The following KANSL1 variants were observed in gnomAD, a reference collection of about 807,000 sequenced individuals.
KANSL1 encodes KAT8 regulatory NSL complex subunit 1, also known as MLL1/MLL complex subunit KANSL1.
A neutral mutation model predicts 103.6 loss-of-function variants in KANSL1; 22 were observed. That is an observed-to-expected ratio of 0.21 (90% CI 0.15 to 0.30). KANSL1 has a LOEUF of 0.30. Among genes scored for constraint, KANSL1 ranks in the 10% least tolerant of loss-of-function variants. The pLI is 1.00. For missense variants in KANSL1, 1,337 were observed against 1,399.8 expected, an observed-to-expected ratio of 0.96 and a Z score of 0.72; for synonymous variants, 600 against 527.6, an observed-to-expected ratio of 1.14 and a Z score of -1.88.
At chr17:46,112,368 CAAAAAAAA>C (rs34480982) in intron 2 of KANSL1, among the ~76,000 whole-genome samples, 13 of 51,074 alleles carry the variant, frequency 2.5e-4, no homozygotes, top group Admixed American at 6.6e-4. Flanking sequence ...AACTCTGTCT[CAAAAAAAA>C]AAAAAAAAAA....
intron 2 of KANSL1, among the ~76,000 whole-genome samples, chr17:46,150,274 C>T (rs1017136585): frequency 6.6e-6 from 1 of 151,912 alleles, no homozygotes; most frequent in Non-Finnish European, 1.5e-5. Flanking sequence ...TCCCTCTAAA[C>T]ACCTACATCT....
intron 6 of KANSL1, among the ~76,000 whole-genome samples, chr17:46,058,743 ACTCTCTCTCTCT>A (rs756932556): frequency 0.024 from 1,607 of 67,812 alleles, 15 homozygotes; most frequent in East Asian, 0.067. Flanking sequence ...ACACACACAC[ACTCTCTCTCTCT>A]CTCTCTCTCT....
At chr17:46,084,554 C>T (rs1017897063) in intron 3 of KANSL1, among the ~76,000 whole-genome samples, 1 of 151,558 alleles carries the variant, frequency 6.6e-6, no homozygotes, top group Non-Finnish European at 1.5e-5. Flanking sequence ...TGGTGGTGAG[C>T]CCCTGTAATC....
rs2046905959 is a variant in KANSL1 at position 46,183,921 on chromosome 17, A to C, written c.-90+8902T>G. Among the ~76,000 whole-genome samples, 2 of 152,224 alleles carry C rather than the reference A, an allele frequency of 1.3e-5. 1 individual carries two copies. The highest frequency in any genetic ancestry group is 4.8e-5 in the African/African-American group (2 of 41,436). ...GAATGAGACTGTCTCCAAAAAAACAAAAAGAAAGAAATGAGTAGAATTCAG... is the reference window on the plus strand; with the variant it reads ...GAATGAGACTGTCTCCAAAAAAACACAAAGAAAGAAATGAGTAGAATTCAG... On this transcript the variant is annotated intron_variant, in intron 1 of 14. Transcript: ENST00000432791.
intron 2 of KANSL1, among the ~76,000 whole-genome samples, chr17:46,117,875 C>T (rs191681571): frequency 2.0e-5 from 3 of 152,092 alleles, no homozygotes; most frequent in Non-Finnish European, 4.4e-5. Flanking sequence ...AAAAGAAATA[C>T]ACTACTAAAT....
At chr17:46,216,598 C>CAA (rs72237062) in intron 1 of KANSL1, among the ~76,000 whole-genome samples, 14,152 of 77,612 alleles carry the variant, frequency 0.18, 54 homozygotes, top group Middle Eastern at 0.27. Flanking sequence ...GACTCCGTCT[C>CAA]AAAAAAAAAA....
chr17:46,089,531 T>A (rs1315447089), intron 3 of KANSL1, among the ~76,000 whole-genome samples: 2 of 144,846 alleles, frequency 1.4e-5, no homozygotes, highest in African/African-American at 5.2e-5. Context: ...CAACAGCCTA[T>A]CACCAAGATT....
intron 7 of KANSL1, among the ~76,000 whole-genome samples, chr17:46,046,590 C>T (rs2077516355): frequency 7.0e-6 from 1 of 142,404 alleles, no homozygotes; most frequent in Non-Finnish European, 1.5e-5. Context: ...GTAATCCCAG[C>T]ACTTTGGGAG....
intron 6 of KANSL1, among the ~76,000 whole-genome samples, chr17:46,059,647 A>AGAGAAAGAGAGAGAGAG (rs149985527): frequency 1.8e-5 from 1 of 54,830 alleles, no homozygotes; most frequent in Non-Finnish European, 3.3e-5. Flanking sequence ...AAAAAAAAAA[A>AGAGAAAGAGAGAGAGAG]AGAGAGAGAG....
chr17:46,096,737 G>C (rs1403742074), intron 2 of KANSL1, among the ~76,000 whole-genome samples: 1 of 151,666 alleles, frequency 6.6e-6, no homozygotes, highest in Non-Finnish European at 1.5e-5. Flanking sequence ...TCCTGCCTCA[G>C]CCTCCGGAGT....
intron 7 of KANSL1, among the ~76,000 whole-genome samples, chr17:46,049,240 C>CTTTTTTTTTTTTTTTTTT (rs34418861): frequency 2.6e-5 from 2 of 75,768 alleles, no homozygotes; most frequent in Non-Finnish European, 2.4e-5. Context: ...CATCCAAGAC[C>CTTTTTTTTTTTTTTTTTT]TTTTTTTTTT....
chr17:46,151,522 T>C (rs1054791635), intron 2 of KANSL1, among the ~76,000 whole-genome samples: 2 of 152,262 alleles, frequency 1.3e-5, no homozygotes, highest in South Asian at 4.1e-4. Context: ...TATCTCTTTA[T>C]AGCACTTGTT....
intron 1 of KANSL1, among the ~76,000 whole-genome samples, chr17:46,199,860 A>G (rs922232131): frequency 1.3e-5 from 2 of 152,348 alleles, no homozygotes; most frequent in African/African-American, 2.4e-5. Flanking sequence ...CAATTATATC[A>G]CTGAAAGAAA....
chr17:46,181,740 C>A (rs2046804662), intron 1 of KANSL1, among the ~76,000 whole-genome samples: 1 of 152,134 alleles, frequency 6.6e-6, no homozygotes, highest in African/African-American at 2.4e-5. Flanking sequence ...CCCCTCACAC[C>A]TTTTTAATGA....
chr17:46,186,524 G>A (rs777473778), intron 1 of KANSL1, among the ~76,000 whole-genome samples: 1 of 152,138 alleles, frequency 6.6e-6, no homozygotes, highest in Non-Finnish European at 1.5e-5. Flanking sequence ...TTTTTCCAAT[G>A]CCAATAAAAT....
chr17:46,198,591 G>C (rs1319838753), upstream of KANSL1, among the ~76,000 whole-genome samples: 4 of 152,124 alleles, frequency 2.6e-5, no homozygotes, highest in Non-Finnish European at 5.9e-5. Context: ...AATTAGCCTG[G>C]CATTGTGGCA....
At chr17:46,198,983 A>G (rs2047706247) in intron 1 of KANSL1, among the ~76,000 whole-genome samples, 1 of 152,250 alleles carries the variant, frequency 6.6e-6, no homozygotes, top group Non-Finnish European at 1.5e-5. Context: ...GTAAAAACCC[A>G]TATTAAAATT....
intron 2 of KANSL1, among the ~76,000 whole-genome samples, chr17:46,116,269 G>A (rs1401086104): frequency 2.4e-4 from 37 of 152,224 alleles, no homozygotes; most frequent in Admixed American, 2.0e-3. Context: ...AGTGGCTCAC[G>A]CCTGTAATCC....
intron 1 of KANSL1, among the ~76,000 whole-genome samples, chr17:46,177,600 T>C (rs975516384): frequency 6.6e-6 from 1 of 152,204 alleles, no homozygotes; most frequent in African/African-American, 2.4e-5. Context: ...CACAGTATCA[T>C]CTCAATTTTG....
Sources: allele counts gnomAD v4.1 joint callset (sites outside exome capture counted in the v4.1 genomes callset), GRCh38; gene constraint gnomAD v4.1.1; transcripts MANE v1.5; gene names NCBI Gene and HGNC (gene_info 2026-07-23, HGNC 2026-07-21).